The following PCDHGB5 variants were observed in gnomAD, a reference collection of about 807,000 sequenced individuals.
The protein encoded by PCDHGB5 is protocadherin gamma-B5.
PCDHGB5 carries 48 observed loss-of-function variants against 62.9 expected under a neutral mutation model. That is an observed-to-expected ratio of 0.76 (90% CI 0.61 to 0.97). The LOEUF (loss-of-function observed/expected upper bound fraction) is 0.97, where lower values mean the gene tolerates loss of function less well. Ranked by LOEUF, PCDHGB5 falls within the 50% of genes least tolerant of loss-of-function variation. The pLI is 0.00. For missense variants in PCDHGB5, 1,118 were observed against 1,198.6 expected, an observed-to-expected ratio of 0.93 and a Z score of 0.99; for synonymous variants, 474 against 511.2, an observed-to-expected ratio of 0.93 and a Z score of 0.98.
At chr5:141,441,102 C>G (rs1057297804) in intron 1 of PCDHGB5, 1 of 152,148 alleles carries the variant, frequency 6.6e-6, no homozygotes, top group East Asian at 1.9e-4. Context: ...GAGAGGGACT[C>G]ATTGTCCAGT....
chr5:141,407,808 C>A (rs1182707356), intron 1 of PCDHGB5, among the ~76,000 whole-genome samples: 1 of 152,136 alleles, frequency 6.6e-6, no homozygotes, highest in Non-Finnish European at 1.5e-5. Flanking sequence ...ATAGAAATAT[C>A]TACTATAATA....
At position 141,503,992 on chromosome 5, in the gene PCDHGB5, A is replaced by G. The variant is rs1419698681; in HGVS notation, c.2457-1401A>G. 2.6e-5 allele frequency among the ~76,000 whole-genome samples: 4 copies of G among 152,116 alleles called. No homozygotes were observed. In the East Asian group the frequency reaches 7.7e-4, roughly 29 times the overall value. ...GGTGCCAAACCCTTCTTCTTACCTTACAGTCACTTAACTGTCTCTGCTGGT... is the reference window on the plus strand; with the variant it reads ...GGTGCCAAACCCTTCTTCTTACCTTGCAGTCACTTAACTGTCTCTGCTGGT... On this transcript the variant is annotated intron_variant, in intron 2 of 3. Transcript: ENST00000617380.
At chr5:141,464,913 AT>A (rs1366203949) in intron 1 of PCDHGB5, among the ~76,000 whole-genome samples, 1 of 151,428 alleles carries the variant, frequency 6.6e-6, no homozygotes, top group Non-Finnish European at 1.5e-5. Context: ...TAATTTTTTT[AT>A]TTTTTTGTAG....
Position 141,486,552 on chromosome 5 carries a change from A to G in PCDHGB5, c.2398-8255A>G. On this transcript the variant is annotated intron_variant, in intron 1 of 3. Coordinates refer to ENST00000617380, the MANE Select transcript of PCDHGB5 (RefSeq NM_018925.3). This position sits in a 1 kb window ranked among gnomAD's most constrained non-coding sequence, Gnocchi z 5.0. ...CCACCCTCTTTCTTTCAGAGGTCAC[A>G]TGAGGTGTTTGTTCCTGAGAACAAT... is the stretch of plus-strand genomic sequence containing the variant. 1 of 1,614,136 alleles carries G rather than the reference A, an allele frequency of 6.2e-7. No homozygotes were observed. The highest frequency in any genetic ancestry group is 2.2e-5 in the East Asian group (1 of 44,882).
chr5:141,410,036 A>G, intron 1 of PCDHGB5: 1 of 1,613,240 alleles, frequency 6.2e-7, no homozygotes, highest in Non-Finnish European at 8.5e-7. Flanking sequence ...GCTGCAGGCC[A>G]GTGAGCCCGG....
At chr5:141,478,163 C>T (rs779617960) in intron 1 of PCDHGB5, 1 of 1,614,028 alleles carries the variant, frequency 6.2e-7, no homozygotes, top group Non-Finnish European at 8.5e-7. Context: ...TGGCTCTGCC[C>T]CCCGGGAGCA....
rs1353509218 is a variant in PCDHGB5, at chr5:141,512,908, TTTATACTC to T, written c.*1737_*1744del. ...CCCTCTTCCTGTGTCTCACGCAAGTTTTATACTCTAATATTTATATGGCTTTTTTTCTT... is the reference window on the plus strand; with the variant it reads ...CCCTCTTCCTGTGTCTCACGCAAGTTTAATATTTATATGGCTTTTTTTCTT... On this transcript the variant is annotated 3_prime_UTR_variant, in exon 4 of 4. Transcript: ENST00000617380. 6.6e-6 allele frequency: 1 copy of T among 152,268 alleles called. No individual in the cohort carries two copies. Among genetic ancestry groups the T allele is most frequent in the Non-Finnish European group, 1.5e-5 (1 of 68,054 alleles). 9.4% of individuals were successfully genotyped at this position (152,268 alleles called of 1,614,324 possible).
At chr5:141,418,539 A>G (rs984639830) in intron 1 of PCDHGB5, 14 of 1,614,034 alleles carry the variant, frequency 8.7e-6, no homozygotes, top group Non-Finnish European at 1.0e-5. Context: ...GGTACTGCTC[A>G]GATAAGAATC....
At chr5:141,433,358 C>CCTAG (rs1554125965) in intron 1 of PCDHGB5, 2 of 498,106 alleles carry the variant, frequency 4.0e-6, no homozygotes, top group African/African-American at 4.2e-5. Flanking sequence ...CTACTGTCTG[C>CCTAG]CTATCTATCT....
intron 1 of PCDHGB5, among the ~76,000 whole-genome samples, chr5:141,462,493 A>G (rs1432919197): frequency 2.0e-5 from 3 of 152,144 alleles, no homozygotes; most frequent in South Asian, 4.1e-4. Context: ...GTTGTATCCT[A>G]TAATTGTCAA....
intron 1 of PCDHGB5, chr5:141,403,938 G>C (rs1181403397): frequency 1.2e-6 from 2 of 1,613,848 alleles, no homozygotes; most frequent in Non-Finnish European, 1.7e-6. Flanking sequence ...GGATTGAAAG[G>C]GTGGACAAAA....
At chr5:141,505,554 C>T in intron 3 of PCDHGB5, 73 bp downstream of exon 3, 1 of 1,606,130 alleles carries the variant, frequency 6.2e-7, no homozygotes, top group Non-Finnish European at 8.5e-7. Context: ...AGCCACCATG[C>T]CCACGGACTG....
intron 1 of PCDHGB5, chr5:141,441,844 G>T: frequency 2.8e-6 from 1 of 355,710 alleles, no homozygotes. Context: ...CGCGCTCTTG[G>T]ATATGGTGCT....
At chr5:141,455,330 G>T (rs2098819667) in intron 1 of PCDHGB5, among the ~76,000 whole-genome samples, 1 of 152,042 alleles carries the variant, frequency 6.6e-6, no homozygotes, top group South Asian at 2.1e-4. Context: ...GTGTGTTTGT[G>T]GTTTTAAGGA....
At chr5:141,423,631 T>G (rs1452661307) in intron 1 of PCDHGB5, 2 of 1,603,990 alleles carry the variant, frequency 1.2e-6, no homozygotes, top group African/African-American at 2.7e-5. Flanking sequence ...AGCTATCATT[T>G]TAGGCAAATG....
chr5:141,459,939 G>A (rs377668643), intron 1 of PCDHGB5, among the ~76,000 whole-genome samples: 7 of 152,256 alleles, frequency 4.6e-5, no homozygotes, highest in Non-Finnish European at 7.4e-5. Flanking sequence ...GTAGCTGGGC[G>A]TGATGGCAGG....
At chr5:141,427,982 G>A in intron 1 of PCDHGB5, 1 of 1,596,754 alleles carries the variant, frequency 6.3e-7, no homozygotes, top group Non-Finnish European at 8.6e-7. Flanking sequence ...CCGCGCTGGG[G>A]CCCGATGGCT....
intron 1 of PCDHGB5, chr5:141,414,344 T>C: frequency 6.2e-7 from 1 of 1,613,882 alleles, no homozygotes; most frequent in Non-Finnish European, 8.5e-7. Flanking sequence ...ACCTGTTCCA[T>C]TTTGGCGTAT....
intron 1 of PCDHGB5, chr5:141,478,044 C>A (rs1302168166): frequency 1.9e-6 from 3 of 1,614,184 alleles, no homozygotes; most frequent in South Asian, 1.1e-5. Flanking sequence ...CCCAGGCAGA[C>A]TCTCACGGTC....
Sources: gnomAD v4.1 joint callset for allele counts (sites outside exome capture counted in the v4.1 genomes callset) on GRCh38, gnomAD v4.1.1 for gene constraint, Gnocchi (gnomAD v3.1) non-coding constraint, MANE v1.5 for transcripts, NCBI Gene and HGNC (gene_info 2026-07-23, HGNC 2026-07-21) for gene names.